The following SVIL variants were observed in gnomAD, a reference collection of about 807,000 sequenced individuals.
SVIL encodes the protein supervillin.
A neutral mutation model predicts 240.4 loss-of-function variants in SVIL; 101 were observed. The ratio of observed to expected loss-of-function variants is 0.42; its 90% CI spans 0.36 to 0.50. The LOEUF is 0.50. Ranked by LOEUF, SVIL falls within the 20% of genes least tolerant of loss-of-function variation. SVIL has a pLI of 0.01. For missense variants in SVIL, 2,512 were observed against 2,818.7 expected, an observed-to-expected ratio of 0.89 and a Z score of 2.46; for synonymous variants, 999 against 1,100.0, an observed-to-expected ratio of 0.91 and a Z score of 1.82.
rs766960300 is a variant in SVIL, at chr10:29,463,531, G to A, written c.6238C>T (p.Arg2080Trp). The A allele has an allele frequency of 5.6e-6, 9 of 1,613,954 alleles. No homozygotes were observed. Among genetic ancestry groups the A allele is most frequent in the African/African-American group, 2.7e-5 (2 of 74,902 alleles). Residue 2080 changes from arginine to tryptophan, a missense_variant, in exon 35 of 38, where the codon CGG (arginine) becomes TGG (tryptophan). Physicochemically the swap from Arg to Trp is moderately radical, Grantham distance 101 (BLOSUM62 -3). This residue lies in a region of SVIL where 797 missense variants were observed against 925.3 expected (regional missense o/e 0.86). Transcript: ENST00000355867. ...GSARIRWASD[R>W]KSAMETVLQY... ...AGCACAGTCTCCATCGCACTCTTCC[G>A]GTCGGAGGCCCAGCGGATGCGGGCG...
chr10:29,626,692 A>G (rs1401123032), intron 1 of SVIL, among the ~76,000 whole-genome samples: 1 of 152,196 alleles, frequency 6.6e-6, no homozygotes, highest in African/African-American at 2.4e-5. Flanking sequence ...AAAAGAAACT[A>G]TGAGAGCTTA....
rs1953271774 is a variant in SVIL at position 29,550,985 on chromosome 10, C to T, written c.439G>A (p.Glu147Lys). The change falls in exon 6 of 38, where the codon GAG (glutamate) becomes AAG (lysine). Residue 147 changes from glutamate (E) to lysine (K), a missense_variant. By Grantham distance (56) the Glu-to-Lys change is moderately conservative. Transcript: ENST00000355867. ...TKSRKEPDAV[E>K]KRGGKSDKQE... Reference sequence around the variant, plus strand: ...TTGTCACTTTTTCCTCCCCGCTTCTCGACAGCATCAGGCTCCTTCCTGGAC... The same window carrying T: ...TTGTCACTTTTTCCTCCCCGCTTCTTGACAGCATCAGGCTCCTTCCTGGAC... 2.5e-6 allele frequency: 4 copies of T among 1,614,128 alleles called. No individual in the cohort carries two copies. The highest frequency in any genetic ancestry group is 3.4e-6 in the Non-Finnish European group (4 of 1,180,026).
At position 29,666,004 on chromosome 10, in the gene SVIL, T is replaced by G. The variant is rs148433202; in HGVS notation, c.-300-7936A>C. 3.1e-3 allele frequency among the ~76,000 whole-genome samples: 477 copies of G among 152,352 alleles called. 2 individuals are homozygous for G. The highest frequency in any genetic ancestry group is 0.011 in the African/African-American group (450 of 41,578). ...CAAGGTTTAAGTGATGCCTTCTGGA[T>G]GCATGTTACCAAGGGATCCTCCCTC... On this transcript the variant is annotated intron_variant, in intron 2 of 35. Transcript: ENST00000375400.
intron 1 of SVIL, among the ~76,000 whole-genome samples, chr10:29,601,110 T>C (rs909296868): frequency 6.6e-6 from 1 of 152,208 alleles, no homozygotes; most frequent in African/African-American, 2.4e-5. Flanking sequence ...CTCAGAAATA[T>C]GTGACTACAA....
At chr10:29,681,341 G>C (rs1234231227) in intron 2 of SVIL, among the ~76,000 whole-genome samples, 3 of 151,902 alleles carry the variant, frequency 2.0e-5, no homozygotes, top group East Asian at 3.9e-4. Context: ...GATGGAAAGA[G>C]AGTCTCCAGC....
chr10:29,734,419 G>C (rs950088496), intron 1 of SVIL, among the ~76,000 whole-genome samples: 1 of 152,122 alleles, frequency 6.6e-6, no homozygotes, highest in East Asian at 1.9e-4. Flanking sequence ...AAATAACCTG[G>C]AAGAATAAAC....
At chr10:29,466,831 G>T (rs1422611469) in intron 33 of SVIL, among the ~76,000 whole-genome samples, 3 of 152,164 alleles carry the variant, frequency 2.0e-5, no homozygotes, top group Non-Finnish European at 4.4e-5. Flanking sequence ...GTGGTTATAA[G>T]TGACTTCATT....
intron 1 of SVIL, among the ~76,000 whole-genome samples, chr10:29,695,571 C>T (rs893840821): frequency 2.6e-5 from 4 of 151,856 alleles, no homozygotes; most frequent in African/African-American, 9.7e-5. Context: ...CATGGTGAAA[C>T]CCGTCTCTAC....
chr10:29,512,804 C>T lies in SVIL; in HGVS notation c.3447G>A (p.Arg1149=). 3 of 1,613,172 alleles carry T rather than the reference C, an allele frequency of 1.9e-6. No homozygotes were observed. The highest frequency in any genetic ancestry group is 2.5e-6 in the Non-Finnish European group (3 of 1,180,032). ...TGGCCGGCGCCTTGCCGCCCTCCTG[C>T]CTCCTGCTGAGTCTGTTTCTCCAAT... ...EEDWRNRLSR[R]QEGGKAPASS... The change falls in exon 17 of 38, where the codon AGG becomes AGA. Residue 1149 remains arginine (R), a synonymous_variant. Coordinates refer to ENST00000355867, the MANE Select transcript of SVIL (RefSeq NM_021738.3).
chr10:29,665,065 C>T (rs1449752358), intron 2 of SVIL, among the ~76,000 whole-genome samples: 1 of 151,606 alleles, frequency 6.6e-6, no homozygotes, highest in East Asian at 1.9e-4. Flanking sequence ...CATAGTGAGA[C>T]CCTATGTATA....
rs188169147 is a variant in SVIL at position 29,585,818 on chromosome 10, C to T, written c.-200-16506G>A. On this transcript the variant is annotated intron_variant, in intron 1 of 37. Transcript: ENST00000355867. ...AGGAGTCAGAGTGAGCCGCGGTTCG[C>T]GTCTGTCTTCCCGGCAGGTGTCCGA... Among the ~76,000 whole-genome samples the T allele has an allele frequency of 4.5e-3, 685 of 152,354 alleles. 23 individuals carry two copies. In the South Asian group the frequency reaches 0.09, roughly 20 times the overall value.
At chr10:29,465,975 T>C (rs889075130) in intron 33 of SVIL, among the ~76,000 whole-genome samples, 4 of 150,478 alleles carry the variant, frequency 2.7e-5, no homozygotes, top group Non-Finnish European at 5.9e-5. Flanking sequence ...CAATGCAAAA[T>C]TAAAAAGAAA....
At chr10:29,559,791 G>A (rs1348636752) in intron 3 of SVIL, among the ~76,000 whole-genome samples, 1 of 152,186 alleles carries the variant, frequency 6.6e-6, no homozygotes, top group Non-Finnish European at 1.5e-5. Context: ...GGGAGCTGGA[G>A]GTTAGTTTTC....
At chr10:29,492,608 G>T (rs556119210) in intron 21 of SVIL, among the ~76,000 whole-genome samples, 17 of 152,250 alleles carry the variant, frequency 1.1e-4, no homozygotes, top group African/African-American at 4.1e-4. Context: ...TTTGAGTTGG[G>T]ATCTTTTTCT....
At chr10:29,625,118 T>C (rs1220930169) in intron 1 of SVIL, among the ~76,000 whole-genome samples, 2 of 152,288 alleles carry the variant, frequency 1.3e-5, no homozygotes, top group East Asian at 3.9e-4. Flanking sequence ...GTTTCAGTTG[T>C]AAGTTACATT....
At chr10:29,561,400 A>T (rs1182407972) in intron 3 of SVIL, among the ~76,000 whole-genome samples, 1 of 152,170 alleles carries the variant, frequency 6.6e-6, no homozygotes, top group East Asian at 1.9e-4. Flanking sequence ...TTATGCATCA[A>T]ATAAAGGAAC....
rs1686636123 is a variant in SVIL, at chr10:29,523,446, C to T, written c.3163+5G>A. On this transcript the variant is annotated splice_donor_5th_base_variant and intron_variant, in intron 15 of 37. Transcript: ENST00000355867. ...TCTAAAGCTTTAGGGGCACTGGTCA[C>T]TTACCTCTTAGTGAAAACTTCCTTT... 6.3e-7 allele frequency: 1 copy of T among 1,589,264 alleles called. No homozygotes were observed.
intron 21 of SVIL, among the ~76,000 whole-genome samples, chr10:29,491,823 A>G (rs1172869686): frequency 6.6e-6 from 1 of 152,234 alleles, no homozygotes; most frequent in Non-Finnish European, 1.5e-5. Context: ...TTAAACAGTG[A>G]CATTGTGTGG....
chr10:29,488,066 A>G (rs1285421385), intron 23 of SVIL, among the ~76,000 whole-genome samples: 31 of 152,174 alleles, frequency 2.0e-4, no homozygotes, highest in Non-Finnish European at 4.3e-4. Context: ...GCCCTGGTTC[A>G]TCTTTGGAAT....
Sources: gnomAD v4.1 joint callset for allele counts (sites outside exome capture counted in the v4.1 genomes callset) on GRCh38, gnomAD v4.1.1 for gene constraint, gnomAD v4.1.1 regional missense constraint, MANE v1.5 for transcripts, NCBI Gene and HGNC (gene_info 2026-07-23, HGNC 2026-07-21) for gene names.